The following UBA7 variants were observed in gnomAD, a reference collection of about 807,000 sequenced individuals.
The protein encoded by UBA7 is ubiquitin like modifier activating enzyme 7, also known as ubiquitin-like modifier-activating enzyme 7.
In UBA7, 88 loss-of-function variants were observed where a neutral mutation model predicts 113.0. The ratio of observed to expected loss-of-function variants is 0.78; its 90% CI spans 0.66 to 0.93. UBA7 has a LOEUF of 0.93. Among genes scored for constraint, UBA7 ranks in the 40% least tolerant of loss-of-function variants. The pLI, the probability that UBA7 is intolerant of heterozygous loss-of-function variation, is 0.00. For synonymous variants in UBA7, 459 were observed against 513.0 expected, an observed-to-expected ratio of 0.89 and a Z score of 1.42; for missense variants, 1,092 against 1,266.4, an observed-to-expected ratio of 0.86 and a Z score of 2.09.
chr3:49,811,715 A>T (rs1382114549), intron 8 of UBA7, 155 bp downstream of exon 8: 4 of 1,339,240 alleles, frequency 3.0e-6, no homozygotes, highest in Non-Finnish European at 4.1e-6. Flanking sequence ...AGTCCCCAGG[A>T]TGTGTGCCTG....
chr3:49,809,444 G>A lies in UBA7; in HGVS notation c.2109C>T (p.Pro703=), dbSNP rs760748781. 14 of 1,614,084 alleles carry A rather than the reference G, an allele frequency of 8.7e-6. No individual in the cohort carries two copies. In the South Asian group the frequency reaches 1.4e-4, roughly 16 times the overall value. ...GACACTGTTTGGGACCTGACCAGAAGGGAGTTCCATCCTCAAGCACCTAGG... is the reference window on the plus strand; with the variant it reads ...GACACTGTTTGGGACCTGACCAGAAAGGAGTTCCATCCTCAAGCACCTAGG... ...PPNKVLEDGT[P]FWSGPKQCPQ... is the part of the protein sequence containing the mutation. The change falls in exon 17 of 24, where the codon CCC becomes CCT. Residue 703 remains proline, a synonymous_variant. Coordinates refer to ENST00000333486, the MANE Select transcript of UBA7 (RefSeq NM_003335.3).
rs765299468 is a variant in UBA7 at position 49,810,240 on chromosome 3, G to T, written c.1633+23C>A. Reference sequence around the variant, plus strand: ...CTGGCACAGCTGTGGGCAAGGGACTGACCTCCGAAGTCAAGCACTCACGGG... The same window carrying T: ...CTGGCACAGCTGTGGGCAAGGGACTTACCTCCGAAGTCAAGCACTCACGGG... On this transcript the variant is annotated intron_variant, in intron 13 of 23. Transcript: ENST00000333486. The surrounding 1 kb of genome is among the most constrained non-coding windows in gnomAD (Gnocchi z 5.6). 6.2e-7 allele frequency: 1 copy of T among 1,613,440 alleles called. No individual in the cohort carries two copies. Among genetic ancestry groups the T allele is most frequent in the African/African-American group, 1.3e-5 (1 of 75,038 alleles).
In UBA7 at chr3:49,813,165, C is replaced by T. The variant is rs1475815922; in HGVS notation, c.364G>A (p.Val122Met). The stretch of plus-strand genomic sequence containing the variant: ...TCCAGCTTTGCAGCAGTCAGCACCA[C>T]CACCTGGGTGGACACAGTGATCAGC... ...TEDLLLDFQVVVLTAAKLEEQ... is the reference protein window; with the variant it reads ...TEDLLLDFQVMVLTAAKLEEQ... The change falls in exon 4 of 24, where the codon GTG becomes ATG. Residue 122 changes from valine to methionine, a missense_variant. Coordinates refer to ENST00000333486, the MANE Select transcript of UBA7 (RefSeq NM_003335.3). The T allele has an allele frequency of 6.2e-7, 1 of 1,613,886 alleles. No homozygotes were observed. Among genetic ancestry groups the T allele is most frequent in the Non-Finnish European group, 8.5e-7 (1 of 1,179,918 alleles).
At position 49,810,624 on chromosome 3, in the gene UBA7, C is replaced by G; in HGVS notation, c.1360G>C (p.Val454Leu). Reference sequence around the variant, plus strand: ...CCGCTGTTCCCGGCCCCCAGTCCCACTAGGGCAAAGACTTTGAGCAGCTCA... The same window carrying G: ...CCGCTGTTCCCGGCCCCCAGTCCCAGTAGGGCAAAGACTTTGAGCAGCTCA... The part of the protein sequence containing the change: ...GCELLKVFAL[V>L]GLGAGNSGGL... Residue 454 changes from valine to leucine, a missense_variant, in exon 12 of 24, where the codon GTG becomes CTG. Coordinates refer to ENST00000333486, the MANE Select transcript of UBA7 (RefSeq NM_003335.3). This position sits in a 1 kb window ranked among gnomAD's most constrained non-coding sequence, Gnocchi z 5.6. The G allele has an allele frequency of 6.2e-7, 1 of 1,614,152 alleles. No individual in the cohort carries two copies. The highest frequency in any genetic ancestry group is 1.1e-5 in the South Asian group (1 of 91,080).
intron 18 of UBA7, 37 bp from the exon 19 acceptor site, chr3:49,808,505 CCT>C (rs1553615551): frequency 2.5e-6 from 4 of 1,604,528 alleles, no homozygotes; most frequent in Non-Finnish European, 3.4e-6. Flanking sequence ...GTCCTTAGCC[CCT>C]GTCTCCTGCA....
Position 49,810,814 on chromosome 3 carries a change from C to T in UBA7, c.1249G>A (p.Gly417Arg), listed in dbSNP as rs754203662. Residue 417 changes from glycine to arginine, a missense_variant, in exon 11 of 24, where the codon GGG (glycine) becomes AGG (arginine). Physicochemically the swap from Gly to Arg is moderately radical, Grantham distance 125 (BLOSUM62 -2). Coordinates refer to ENST00000333486, the MANE Select transcript of UBA7 (RefSeq NM_003335.3). This position sits in a 1 kb window ranked among gnomAD's most constrained non-coding sequence, Gnocchi z 5.6. ...DCALRGSRYD[G>R]QIAVFGAGFQ... ...CCAGCCCCAAACACTGCAATTTGCC[C>T]ATCATAGCGGCTGCCTCTCTAGGGG... is the stretch of plus-strand genomic sequence containing the variant. The T allele has an allele frequency of 2.5e-6, 4 of 1,614,130 alleles. No individual in the cohort carries two copies. In the South Asian group the frequency reaches 3.3e-5, roughly 13 times the overall value.
rs200649941 is a variant in UBA7 at position 49,813,071 on chromosome 3, C to A, written c.458G>T (p.Gly153Val). ...GVCFLAADTR[G>V]LVGQLFCDFG... The stretch of plus-strand genomic sequence containing the variant: ...AGGCAGTCTTACTCACCCCACGAGG[C>A]CCCGGGTGTCAGCCGCCAGAAAGCA... The change falls in exon 4 of 24, where the codon GGC becomes GTC. Residue 153 changes from glycine (G) to valine (V), a missense_variant. This residue lies in a region of UBA7 where 584 missense variants were observed against 714.5 expected (regional missense o/e 0.82). Transcript: ENST00000333486. 2 of 1,613,060 alleles carry A rather than the reference C, an allele frequency of 1.2e-6. No homozygotes were observed. The highest frequency in any genetic ancestry group is 2.2e-5 in the East Asian group (1 of 44,878).
At position 49,811,187 on chromosome 3, in the gene UBA7, G is replaced by A. The variant is rs2081538939; in HGVS notation, c.1122+86C>T. 2.6e-5 allele frequency: 42 copies of A among 1,602,914 alleles called. No homozygotes were observed. The South Asian group carries it at 4.3e-4, about 17-fold the overall frequency. On this transcript the variant is annotated intron_variant, in intron 9 of 23. Transcript: ENST00000333486. ...CACCCAGGTTGGTGAAGGCTCCAGG[G>A]CTGCTCTCTAGCGCTGGGTGCCCTC...
At chr3:49,812,621 G>A (rs199590587) in intron 5 of UBA7, 27 bp downstream of exon 5, 462 of 1,614,226 alleles carry the variant, frequency 2.9e-4, no homozygotes, top group Non-Finnish European at 3.7e-4. Flanking sequence ...TTGGTCAGCA[G>A]GTGAATGCCT....
At position 49,812,500 on chromosome 3, in the gene UBA7, T is replaced by C; in HGVS notation, c.602A>G (p.His201Arg). The change falls in exon 6 of 24, where the codon CAC (histidine) becomes CGC (arginine). Residue 201 changes from histidine to arginine, a missense_variant. This residue lies in a region of UBA7 where 584 missense variants were observed against 714.5 expected (regional missense o/e 0.82). Transcript: ENST00000333486. ...ILTLRKGANT[H>R]YFRDGDLVTF... ...CACCAAGTCTCCATCACGGAAGTAG[T>C]GGGTATTGGCCCCTTTCCTCAGAGT... is the stretch of plus-strand genomic sequence containing the variant. The C allele has an allele frequency of 6.2e-7, 1 of 1,614,164 alleles. No homozygotes were observed. Among genetic ancestry groups the C allele is most frequent in the Non-Finnish European group, 8.5e-7 (1 of 1,180,032 alleles).
intron 7 of UBA7, 30 bp downstream of exon 7, chr3:49,812,079 C>A: frequency 6.2e-7 from 1 of 1,614,232 alleles, no homozygotes; most frequent in Non-Finnish European, 8.5e-7. Flanking sequence ...GGCGACCAAG[C>A]TCCCCTACCT....
Position 49,805,424 on chromosome 3 carries a change from C to T in UBA7, c.2923G>A (p.Val975Ile), listed in dbSNP as rs776106982. 24 of 1,604,798 alleles carry T rather than the reference C, an allele frequency of 1.5e-5. No individual in the cohort carries two copies. In the South Asian group the frequency reaches 2.0e-4, roughly 13 times the overall value. The change falls in exon 24 of 24, where the codon GTT becomes ATT. Residue 975 changes from valine to isoleucine, a missense_variant. By Grantham distance (29) the Val-to-Ile change is conservative. Transcript: ENST00000333486. Reference protein sequence around the residue: ...QHLPLRVTELVQQLTGQAPAP... With the variant: ...QHLPLRVTELIQQLTGQAPAP... ...GGTGCCTGGCCTGTCAGCTGCTGAA[C>T]CAGTTCTGTCACCCTGGTAGGGGTG...
chr3:49,806,758 A>T (rs1199782439), intron 21 of UBA7, among the ~76,000 whole-genome samples: 1 of 152,026 alleles, frequency 6.6e-6, no homozygotes, highest in Non-Finnish European at 1.5e-5. Context: ...AGACCAGGAC[A>T]GGGGGTGCTT....
chr3:49,811,134 A>AC, intron 9 of UBA7, 43 bp from the exon 10 acceptor site: 1 of 1,608,134 alleles, frequency 6.2e-7, no homozygotes, highest in Non-Finnish European at 8.5e-7. Flanking sequence ...CCACCTCCTG[A>AC]CCCCCCTCAG....
intron 6 of UBA7, 28 bp downstream of exon 6, chr3:49,812,379 CA>C (rs751548293): frequency 1.9e-6 from 3 of 1,613,398 alleles, no homozygotes; most frequent in Non-Finnish European, 2.5e-6. Flanking sequence ...TTGGGCCCTG[CA>C]CCTGGAATTG....
Position 49,810,847 on chromosome 3 carries a change from C to T in UBA7, c.1231-15G>A, listed in dbSNP as rs915159614. 24 of 1,613,976 alleles carry T rather than the reference C, an allele frequency of 1.5e-5. No homozygotes were observed. Among genetic ancestry groups the T allele is most frequent in the Admixed American group, 1.3e-4 (8 of 59,996 alleles). Reference sequence around the variant, plus strand: ...CGGCTGCCTCTCTAGGGGACAGAGACGGGGTCAGTGATGGCTACTGGCCTG... The same window carrying T: ...CGGCTGCCTCTCTAGGGGACAGAGATGGGGTCAGTGATGGCTACTGGCCTG... On this transcript the variant is annotated splice_polypyrimidine_tract_variant and intron_variant, in intron 10 of 23. Transcript: ENST00000333486. The surrounding 1 kb of genome is among the most constrained non-coding windows in gnomAD (Gnocchi z 5.6).
Position 49,807,061 on chromosome 3 carries a change from G to T in UBA7, c.2715+675C>A, listed in dbSNP as rs1249367101. On this transcript the variant is annotated intron_variant, in intron 21 of 23. Transcript: ENST00000333486. The surrounding 1 kb of genome is among the most constrained non-coding windows in gnomAD (Gnocchi z 4.0). Reference sequence around the variant, plus strand: ...GCAGAGCCTGGGCACAAGGCTGGAGGCATTCACAGCGCTGCAGTCACAGGA... The same window carrying T: ...GCAGAGCCTGGGCACAAGGCTGGAGTCATTCACAGCGCTGCAGTCACAGGA... Among the ~76,000 whole-genome samples the T allele has an allele frequency of 6.6e-6, 1 of 152,186 alleles. No individual in the cohort carries two copies. The highest frequency in any genetic ancestry group is 2.4e-5 in the African/African-American group (1 of 41,442).
rs752126872 is a variant in UBA7, at chr3:49,812,214, A to C, written c.695-8T>G. 2.5e-6 allele frequency: 4 copies of C among 1,614,094 alleles called. No individual in the cohort carries two copies. Among genetic ancestry groups the C allele is most frequent in the Admixed American group, 1.7e-5 (1 of 60,020 alleles). On this transcript the variant is annotated splice_region_variant and splice_polypyrimidine_tract_variant and intron_variant, in intron 6 of 23. Transcript: ENST00000333486. ...TCTCCAGGGACCCATCCTCTGAGGGAGTTCCAGTCTAGTCAGTAATGATCC... is the reference window on the plus strand; with the variant it reads ...TCTCCAGGGACCCATCCTCTGAGGGCGTTCCAGTCTAGTCAGTAATGATCC...
In UBA7 at chr3:49,809,397, G is replaced by A; in HGVS notation, c.2156C>T (p.Thr719Ile). Reference sequence around the variant, plus strand: ...CTACAGAATCCCACTCACTTGGTTGGTGTCAAACTCCAAGGGCTGGGGACA... The same window carrying A: ...CTACAGAATCCCACTCACTTGGTTGATGTCAAACTCCAAGGGCTGGGGACA... ...KQCPQPLEFD[T>I]NQDTHLLYVL... Residue 719 changes from threonine to isoleucine, a missense_variant, in exon 17 of 24, where the codon ACC becomes ATC. Coordinates refer to ENST00000333486, the MANE Select transcript of UBA7 (RefSeq NM_003335.3). The A allele has an allele frequency of 6.2e-7, 1 of 1,614,112 alleles. No individual in the cohort carries two copies. The highest frequency in any genetic ancestry group is 8.5e-7 in the Non-Finnish European group (1 of 1,179,974).
Sources: allele counts gnomAD v4.1 joint callset (sites outside exome capture counted in the v4.1 genomes callset), GRCh38; gene constraint gnomAD v4.1.1; regional missense constraint gnomAD v4.1.1; non-coding constraint Gnocchi (gnomAD v3.1); transcripts MANE v1.5; gene names NCBI Gene and HGNC (gene_info 2026-07-23, HGNC 2026-07-21).